The following CNGB3 variants were observed in gnomAD, a reference collection of about 807,000 sequenced individuals.
The protein encoded by CNGB3 is cyclic nucleotide gated channel subunit beta 3, also known as cyclic nucleotide-gated channel beta-3.
Under a neutral mutation model 92.8 loss-of-function variants are expected in CNGB3, and 86 were observed. That is an observed-to-expected ratio of 0.93 (90% CI 0.78 to 1.11). The LOEUF (loss-of-function observed/expected upper bound fraction) is 1.11, where lower values mean the gene tolerates loss of function less well. CNGB3 is among the 50% of genes least tolerant of loss of function. The pLI, the probability that CNGB3 is intolerant of heterozygous loss-of-function variation, is 0.00. For synonymous variants in CNGB3, 333 were observed against 332.7 expected, an observed-to-expected ratio of 1.00 and a Z score of -0.01; for missense variants, 1,026 against 956.8, an observed-to-expected ratio of 1.07 and a Z score of -0.95.
At chr8:86,671,305 T>A (rs1468736877) in intron 3 of CNGB3, among the ~76,000 whole-genome samples, 2 of 152,212 alleles carry the variant, frequency 1.3e-5, no homozygotes, top group African/African-American at 4.8e-5. Flanking sequence ...AATCCTCAAA[T>A]AGCAAGTGGT....
chr8:86,678,519 A>G (rs1264004691), intron 3 of CNGB3, among the ~76,000 whole-genome samples: 1 of 152,086 alleles, frequency 6.6e-6, no homozygotes, highest in East Asian at 1.9e-4. Flanking sequence ...TCCTAACCTA[A>G]GTGATTCATG....
chr8:86,739,142 T>C (rs1189820456), intron 2 of CNGB3, among the ~76,000 whole-genome samples: 1 of 152,166 alleles, frequency 6.6e-6, no homozygotes, highest in African/African-American at 2.4e-5. Context: ...ATTGACCTGA[T>C]ACGGATTTAG....
chr8:86,587,967 T>C (rs1002428131), intron 15 of CNGB3, among the ~76,000 whole-genome samples: 2 of 150,256 alleles, frequency 1.3e-5, no homozygotes, highest in Non-Finnish European at 3.0e-5. Flanking sequence ...TTCCTACCCA[T>C]GAGCATGGAA....
At chr8:86,677,388 G>T (rs893442034) in intron 3 of CNGB3, among the ~76,000 whole-genome samples, 2 of 152,222 alleles carry the variant, frequency 1.3e-5, no homozygotes, top group Admixed American at 1.3e-4. Flanking sequence ...TGAGTCGTAA[G>T]TTAAGAATCA....
rs926754649 is a variant in CNGB3, at chr8:86,593,756, A to C, written c.1781+10337T>G. 4.8e-5 allele frequency: 61 copies of C among 1,271,744 alleles called. 1 individual carries two copies. The highest frequency in any genetic ancestry group is 8.9e-6 in the Non-Finnish European group (8 of 897,872). The allele number at this position is 1,271,744 out of a possible 1,614,324, so 78.8% of individuals were successfully genotyped here. On this transcript the variant is annotated intron_variant, in intron 15 of 17. Transcript: ENST00000320005. The stretch of plus-strand genomic sequence containing the variant: ...GGGGTGGAAGAAGCGTCACCAGCTC[A>C]GGATGCCAGGGCAGTACTTATCAAT...
chr8:86,627,110 T>C (rs1048245399), intron 12 of CNGB3, among the ~76,000 whole-genome samples: 1 of 146,336 alleles, frequency 6.8e-6, no homozygotes, highest in Non-Finnish European at 1.5e-5. Context: ...GATTTTTTTT[T>C]AATGTTTTCT....
At chr8:86,677,181 G>C (rs1308457828) in intron 3 of CNGB3, among the ~76,000 whole-genome samples, 1 of 152,252 alleles carries the variant, frequency 6.6e-6, no homozygotes, top group East Asian at 1.9e-4. Context: ...TTGAATTCAG[G>C]CTTCTAGCCT....
intron 10 of CNGB3, among the ~76,000 whole-genome samples, chr8:86,639,669 T>C (rs191403764): frequency 2.7e-4 from 41 of 152,138 alleles, no homozygotes; most frequent in Non-Finnish European, 4.0e-4. Context: ...AAGGGTAACA[T>C]GAAGCAATAG....
At chr8:86,696,903 G>A (rs1031135530) in intron 3 of CNGB3, among the ~76,000 whole-genome samples, 9 of 151,944 alleles carry the variant, frequency 5.9e-5, no homozygotes, top group Non-Finnish European at 7.4e-5. Flanking sequence ...TGTTATCATT[G>A]AATATAAAAT....
At chr8:86,709,835 T>C (rs959423109) in intron 3 of CNGB3, among the ~76,000 whole-genome samples, 1 of 152,184 alleles carries the variant, frequency 6.6e-6, no homozygotes, top group African/African-American at 2.4e-5. Flanking sequence ...AAAACTATAC[T>C]CATAAAATTT....
chr8:86,660,798 A>G, intron 6 of CNGB3: 2 of 498,972 alleles, frequency 4.0e-6, no homozygotes, highest in South Asian at 3.0e-5. Context: ...TTGTCCTGCT[A>G]CCCTCCAAAG....
At chr8:86,628,805 C>A in intron 12 of CNGB3, 114 bp downstream of exon 12, 1 of 1,100,554 alleles carries the variant, frequency 9.1e-7, no homozygotes, top group Non-Finnish European at 1.4e-6. Flanking sequence ...CTTTAAGGAT[C>A]ATTTAGTTGT....
intron 15 of CNGB3, among the ~76,000 whole-genome samples, chr8:86,583,203 T>A (rs1821825355): frequency 2.0e-5 from 3 of 152,112 alleles, no homozygotes; most frequent in Non-Finnish European, 1.5e-5. Context: ...GCTCGACAAT[T>A]TTTTCGCATT....
intron 13 of CNGB3, among the ~76,000 whole-genome samples, chr8:86,615,478 C>T (rs973619782): frequency 6.6e-6 from 1 of 152,014 alleles, no homozygotes; most frequent in African/African-American, 2.4e-5. Flanking sequence ...TGACACGTGA[C>T]TGTAATCCCA....
chr8:86,711,864 C>T (rs898537443), intron 3 of CNGB3, among the ~76,000 whole-genome samples: 15 of 149,684 alleles, frequency 1.0e-4, no homozygotes, highest in Non-Finnish European at 1.8e-4. Flanking sequence ...ACATATAATA[C>T]ATAGTATATA....
chr8:86,718,505 G>A (rs1824906695), intron 3 of CNGB3, among the ~76,000 whole-genome samples: 1 of 152,004 alleles, frequency 6.6e-6, no homozygotes, highest in Admixed American at 6.6e-5. Context: ...ATAACAAGCA[G>A]TGAGTTTAAA....
Position 86,575,833 on chromosome 8 carries a change from T to C in CNGB3, c.2401A>G (p.Ile801Val), listed in dbSNP as rs1233691599. 1 of 1,613,766 alleles carries C rather than the reference T, an allele frequency of 6.2e-7. No individual in the cohort carries two copies. The change falls in exon 18 of 18, where the codon ATT (isoleucine) becomes GTT (valine). Residue 801 changes from isoleucine (I) to valine (V), a missense_variant. By Grantham distance (29) the Ile-to-Val change is conservative. Coordinates refer to ENST00000320005, the MANE Select transcript of CNGB3 (RefSeq NM_019098.5). ...SAEGGEEVLT[I>V]EVKEKAKQ ...TGCTTAGCCTTTTCTTTGACTTCAA[T>C]AGTAAGAACCTCTTCTCCGCCCTCA...
At chr8:86,598,078 G>T (rs1282617381) in intron 15 of CNGB3, among the ~76,000 whole-genome samples, 19 of 152,178 alleles carry the variant, frequency 1.2e-4, no homozygotes, top group African/African-American at 4.6e-4. Flanking sequence ...GTAGGCAGGG[G>T]CTAGACTCTA....
chr8:86,697,171 A>G (rs535469107), intron 3 of CNGB3, among the ~76,000 whole-genome samples: 1 of 152,302 alleles, frequency 6.6e-6, no homozygotes, highest in African/African-American at 2.4e-5. Context: ...GTGTTCTTGT[A>G]GGAAGTAAGA....
Sources: gnomAD v4.1 joint callset for allele counts (sites outside exome capture counted in the v4.1 genomes callset) on GRCh38, gnomAD v4.1.1 for gene constraint, MANE v1.5 for transcripts, NCBI Gene and HGNC (gene_info 2026-07-23, HGNC 2026-07-21) for gene names.